NAV3: variants seen among roughly 807,000 people sequenced by gnomAD.
NAV3 encodes neuron navigator 3.
Under a neutral mutation model 244.7 loss-of-function variants are expected in NAV3, and 87 were observed. That is an observed-to-expected ratio of 0.36 (90% CI 0.30 to 0.42). NAV3 has a LOEUF of 0.42. Among genes scored for constraint, NAV3 ranks in the 20% least tolerant of loss-of-function variants. NAV3 has a pLI of 1.00. For synonymous variants in NAV3, 1,126 were observed against 1,042.2 expected, an observed-to-expected ratio of 1.08 and a Z score of -1.55; for missense variants, 2,663 against 2,893.3, an observed-to-expected ratio of 0.92 and a Z score of 1.83.
intron 23 of NAV3, among the ~76,000 whole-genome samples, chr12:78,165,481 A>G (rs1278031705): frequency 6.6e-6 from 1 of 151,944 alleles, no homozygotes; most frequent in Non-Finnish European, 1.5e-5. Flanking sequence ...GTTTCCCTTC[A>G]ACATAAAGAA....
intron 2 of NAV3, among the ~76,000 whole-genome samples, chr12:77,799,963 G>C (rs906218306): frequency 6.6e-6 from 1 of 152,134 alleles, no homozygotes; most frequent in Non-Finnish European, 1.5e-5. Flanking sequence ...AATACTGGGA[G>C]TTGATGTCAC....
intron 12 of NAV3, chr12:78,088,720 C>G (rs945151908): frequency 6.6e-6 from 1 of 152,138 alleles, no homozygotes; most frequent in Non-Finnish European, 1.5e-5. Flanking sequence ...GCAGCAAATA[C>G]ATACTTTTAC....
intron 1 of NAV3, among the ~76,000 whole-genome samples, chr12:77,876,048 T>G (rs929459811): frequency 8.5e-5 from 13 of 152,064 alleles, no homozygotes; most frequent in African/African-American, 3.1e-4. Flanking sequence ...ATAATTAATG[T>G]AAATATGAAA....
intron 12 of NAV3, among the ~76,000 whole-genome samples, chr12:78,104,466 G>A (rs188716175): frequency 6.6e-6 from 1 of 152,258 alleles, no homozygotes; most frequent in East Asian, 1.9e-4. Context: ...TAACACATTT[G>A]TTTTCAAACA....
intron 1 of NAV3, among the ~76,000 whole-genome samples, chr12:77,932,764 C>G (rs907955820): frequency 2.0e-5 from 3 of 152,074 alleles, no homozygotes; most frequent in African/African-American, 7.2e-5. Context: ...CTTAATAAAG[C>G]CTTCTTAGCT....
At chr12:78,051,207 C>T (rs1882709446) in intron 11 of NAV3, 60 bp downstream of exon 11, 13 of 1,524,072 alleles carry the variant, frequency 8.5e-6, no homozygotes, top group Non-Finnish European at 1.2e-5. Context: ...TACTATAATG[C>T]ATTCACTATA....
At chr12:78,048,637 G>C (rs906176498) in intron 9 of NAV3, among the ~76,000 whole-genome samples, 1 of 152,150 alleles carries the variant, frequency 6.6e-6, no homozygotes, top group African/African-American at 2.4e-5. Context: ...GAGCTCTCCT[G>C]TATGAGGAGT....
intron 9 of NAV3, among the ~76,000 whole-genome samples, chr12:78,022,874 T>C (rs1161260450): frequency 6.6e-6 from 1 of 152,116 alleles, no homozygotes; most frequent in Non-Finnish European, 1.5e-5. Context: ...GAATCAGCAT[T>C]AGTTGATAAC....
intron 11 of NAV3, among the ~76,000 whole-genome samples, chr12:78,058,677 A>T (rs1219415385): frequency 6.6e-6 from 1 of 152,188 alleles, no homozygotes; most frequent in Non-Finnish European, 1.5e-5. Flanking sequence ...ATTTCTTAAG[A>T]GTTATATTAT....
chr12:77,605,324 T>G (rs1264627891), intron 2 of NAV3, among the ~76,000 whole-genome samples: 1 of 152,084 alleles, frequency 6.6e-6, no homozygotes, highest in African/African-American at 2.4e-5. Flanking sequence ...CCGATCATAA[T>G]CTCCTCTAAT....
intron 9 of NAV3, among the ~76,000 whole-genome samples, chr12:78,041,050 A>G (rs954846689): frequency 2.6e-5 from 4 of 152,180 alleles, no homozygotes; most frequent in Non-Finnish European, 4.4e-5. Flanking sequence ...TATTATATGT[A>G]TGAGGAGAAG....
chr12:77,710,371 T>TTGGCTATCACACC, intron 2 of NAV3, among the ~76,000 whole-genome samples: 1 of 152,190 alleles, frequency 6.6e-6, no homozygotes, highest in African/African-American at 2.4e-5. Context: ...TGTGTGGAGC[T>TTGGCTATCACACC]CTTCCAGATA....
intron 8 of NAV3, among the ~76,000 whole-genome samples, chr12:78,009,842 A>G (rs1874951035): frequency 6.6e-6 from 1 of 152,182 alleles, no homozygotes; most frequent in African/African-American, 2.4e-5. Flanking sequence ...AATTTTTAGC[A>G]CACAGCCAGA....
intron 5 of NAV3, among the ~76,000 whole-genome samples, chr12:77,991,586 A>G (rs1045470424): frequency 1.1e-4 from 17 of 152,152 alleles, no homozygotes; most frequent in African/African-American, 4.8e-5. Context: ...AATGGTTAGA[A>G]TTTGGTATAA....
rs1873715536 is a variant in NAV3, at chr12:77,831,640, C to T, written c.179C>T (p.Ser60Leu). ...CTTTCTTGTCAGCTTGCGTTAAAATCAACCTGTGAATTTGGAGAGAAGAAA... is the reference window on the plus strand; with the variant it reads ...CTTTCTTGTCAGCTTGCGTTAAAATTAACCTGTGAATTTGGAGAGAAGAAA... ...SMLSCQLALKSTCEFGEKKPL... is the reference protein window; with the variant it reads ...SMLSCQLALKLTCEFGEKKPL... Residue 60 changes from serine (S) to leucine (L), a missense_variant, in exon 1 of 40, where the codon TCA becomes TTA. By Grantham distance (145) the Ser-to-Leu change is moderately radical. This residue lies in a region of NAV3 where 1,521 missense variants were observed against 1,497.0 expected (regional missense o/e 1.02). Transcript: ENST00000397909. 1 of 1,613,834 alleles carries T rather than the reference C, an allele frequency of 6.2e-7. No homozygotes were observed. Among genetic ancestry groups the T allele is most frequent in the Admixed American group, 1.7e-5 (1 of 59,972 alleles).
chr12:78,034,833 T>G (rs1255382360), intron 9 of NAV3, among the ~76,000 whole-genome samples: 1 of 152,232 alleles, frequency 6.6e-6, no homozygotes, highest in Admixed American at 6.5e-5. Flanking sequence ...CAAAAAATAC[T>G]TTACAAAATT....
intron 1 of NAV3, among the ~76,000 whole-genome samples, chr12:77,907,514 A>C (rs1442070890): frequency 1.3e-5 from 2 of 152,106 alleles, no homozygotes; most frequent in Non-Finnish European, 2.9e-5. Context: ...AGGTATCACT[A>C]GCTATCTCTA....
chr12:77,614,680 T>C (rs896406132), intron 2 of NAV3, among the ~76,000 whole-genome samples: 3 of 152,194 alleles, frequency 2.0e-5, no homozygotes, highest in Admixed American at 1.3e-4. Flanking sequence ...CTTCTGGCTG[T>C]GTGACCTTCC....
At chr12:77,691,583 A>G (rs907254765) in intron 2 of NAV3, among the ~76,000 whole-genome samples, 3 of 151,356 alleles carry the variant, frequency 2.0e-5, no homozygotes, top group Non-Finnish European at 4.4e-5. Context: ...AGACAGATTA[A>G]AAAATACTTG....
Sources: gnomAD v4.1 joint callset for allele counts (sites outside exome capture counted in the v4.1 genomes callset) on GRCh38, gnomAD v4.1.1 for gene constraint, gnomAD v4.1.1 regional missense constraint, MANE v1.5 for transcripts, NCBI Gene and HGNC (gene_info 2026-07-23, HGNC 2026-07-21) for gene names.